Variants in HDLBP observed in about 807,000 individuals in gnomAD.
HDLBP encodes the protein vigilin.
In HDLBP, 30 loss-of-function variants were observed where a neutral mutation model predicts 137.3. The observed-to-expected ratio is 0.22, with a 90% CI of 0.16 to 0.30. The LOEUF (loss-of-function observed/expected upper bound fraction) is 0.30, where lower values mean the gene tolerates loss of function less well. HDLBP is among the 10% of genes least tolerant of loss of function. HDLBP has a pLI of 1.00. For missense variants in HDLBP, 1,119 were observed against 1,667.3 expected (o/e 0.67, Z 5.73); for synonymous variants, 606 against 596.0 (o/e 1.02, Z -0.24).
At chr2:241,275,066 G>A (rs982558879) in intron 1 of HDLBP, among the ~76,000 whole-genome samples, 2 of 152,192 alleles carry the variant, frequency 1.3e-5, no homozygotes, top group Non-Finnish European at 2.9e-5. Flanking sequence ...TGAGCTGGCA[G>A]ACAGAAGCAT....
At chr2:241,255,905 G>A (rs990355220) in intron 7 of HDLBP, among the ~76,000 whole-genome samples, 1 of 152,220 alleles carries the variant, frequency 6.6e-6, no homozygotes, top group African/African-American at 2.4e-5. Context: ...TCTAAGACGT[G>A]AACAAGTCCG....
chr2:241,256,903 T>G (rs1258272081), intron 5 of HDLBP, 97 bp from the exon 6 acceptor site: 1 of 1,012,682 alleles, frequency 9.9e-7, no homozygotes, highest in Non-Finnish European at 1.5e-6. Flanking sequence ...CATCTTTGCT[T>G]ATTCCTGCCC....
chr2:241,310,932 T>C (rs117931189), intron 1 of HDLBP, among the ~76,000 whole-genome samples: 4 of 152,090 alleles, frequency 2.6e-5, no homozygotes, highest in East Asian at 3.9e-4. Flanking sequence ...CTGGGCAACA[T>C]AGAGAGCTCA....
rs562904631 is a variant in HDLBP at position 241,264,631 on chromosome 2, G to A, written c.77-26C>T. On this transcript the variant is annotated intron_variant, in intron 3 of 27. Coordinates refer to ENST00000310931, the MANE Select transcript of HDLBP (RefSeq NM_005336.6). The stretch of plus-strand genomic sequence containing the variant: ...CTGGACCAGCCAACACAGATTAAAA[G>A]GAAGCACTACTTTTAGCATTACATG... 2.6e-5 allele frequency: 41 copies of A among 1,607,784 alleles called. No individual in the cohort carries two copies. The South Asian group carries it at 3.0e-4, about 12-fold the overall frequency.
Position 241,238,534 on chromosome 2 carries a change from TAGATGGTTTTCCAGCAG to T in HDLBP, c.2749+98_2749+114del, listed in dbSNP as rs1396548654. The T allele has an allele frequency of 8.3e-6, 7 of 839,074 alleles. No homozygotes were observed. The African/African-American group carries it at 8.6e-5, about 10-fold the overall frequency. 52.0% of individuals were successfully genotyped at this position (839,074 alleles called of 1,614,324 possible). ...AACCTCTGGAAGCCCCCAGAATACA[TAGATGGTTTTCCAGCAG>T]AGACAGGAAAGAGCCTCACCAGTAT... is the stretch of plus-strand genomic sequence containing the variant. On this transcript the variant is annotated intron_variant, in intron 20 of 27. Coordinates refer to ENST00000310931, the MANE Select transcript of HDLBP (RefSeq NM_005336.6). The surrounding 1 kb of genome is among the most constrained non-coding windows in gnomAD (Gnocchi z 4.9).
At chr2:241,291,393 C>T (rs1353290209) in intron 1 of HDLBP, among the ~76,000 whole-genome samples, 2 of 152,136 alleles carry the variant, frequency 1.3e-5, no homozygotes, top group African/African-American at 4.8e-5. Context: ...AAAGATGACA[C>T]AAGCCAACTT....
At chr2:241,266,759 A>C (rs772124847) in intron 3 of HDLBP, 35 bp downstream of exon 3, 1 of 1,293,530 alleles carries the variant, frequency 7.7e-7, no homozygotes, top group South Asian at 1.2e-5. Context: ...AATGCCTTAG[A>C]CATTACCAGG....
At chr2:241,254,990 A>G (rs1453797132) in intron 9 of HDLBP, 61 bp downstream of exon 9, 3 of 1,295,172 alleles carry the variant, frequency 2.3e-6, no homozygotes, top group Non-Finnish European at 1.1e-6. Flanking sequence ...AAGCAATATC[A>G]GAAACAGAAA....
chr2:241,270,920 C>A (rs1421326055), intron 1 of HDLBP: 10 of 940,454 alleles, frequency 1.1e-5, no homozygotes, highest in Non-Finnish European at 1.3e-5. Flanking sequence ...CAGTACTGTC[C>A]AAATCAGGAT....
chr2:241,232,503 T>G (rs942089017), intron 24 of HDLBP, among the ~76,000 whole-genome samples: 3 of 152,186 alleles, frequency 2.0e-5, no homozygotes, highest in African/African-American at 7.2e-5. Flanking sequence ...CTTGAACTCC[T>G]GACCTCAGGG....
At chr2:241,245,004 A>C (rs972413491) in intron 16 of HDLBP, among the ~76,000 whole-genome samples, 5 of 152,148 alleles carry the variant, frequency 3.3e-5, no homozygotes, top group African/African-American at 1.2e-4. Flanking sequence ...ACTCAGTTGA[A>C]TTAACCATTA....
At chr2:241,267,592 A>G in intron 2 of HDLBP, 1 of 1,535,732 alleles carries the variant, frequency 6.5e-7, no homozygotes, top group African/African-American at 1.4e-5. Context: ...TAATGCTTAC[A>G]AAATGCATCA....
intron 1 of HDLBP, among the ~76,000 whole-genome samples, chr2:241,270,120 G>GCACCCAGTGTCAGTCTCTTCTGAGAC (rs1317346850): frequency 2.0e-5 from 3 of 152,178 alleles, no homozygotes; most frequent in Non-Finnish European, 4.4e-5. Flanking sequence ...TCCCCACTGT[G>GCACCCAGTGTCAGTCTCTTCTGAGAC]CACCCAGTGT....
chr2:241,253,426 G>A lies in HDLBP; in HGVS notation c.1260C>T (p.Ala420=), dbSNP rs759186550. The stretch of plus-strand genomic sequence containing the variant: ...TGACCATGCCTTCTATCTGTTCCTG[G>A]GCCACATTGACATCCTCTGTAGGGC... The part of the protein sequence containing the change: ...LEGPTEDVNV[A]QEQIEGMVKD... The change falls in exon 10 of 28, where the codon GCC becomes GCT. Residue 420 remains alanine (A), a synonymous_variant. Coordinates refer to ENST00000310931, the MANE Select transcript of HDLBP (RefSeq NM_005336.6). The A allele has an allele frequency of 1.2e-6, 2 of 1,612,710 alleles. No homozygotes were observed. Among genetic ancestry groups the A allele is most frequent in the African/African-American group, 1.3e-5 (1 of 74,846 alleles).
chr2:241,312,858 C>A (rs1333035987), intron 1 of HDLBP, among the ~76,000 whole-genome samples: 1 of 152,186 alleles, frequency 6.6e-6, no homozygotes, highest in Non-Finnish European at 1.5e-5. Context: ...GGACCCGGCA[C>A]AATCATCTCA....
At chr2:241,244,106 T>C (rs1231935666) in intron 16 of HDLBP, among the ~76,000 whole-genome samples, 1 of 152,152 alleles carries the variant, frequency 6.6e-6, no homozygotes, top group East Asian at 1.9e-4. Flanking sequence ...ATGAAAATGA[T>C]ATTAGATGAA....
chr2:241,236,521 G>A, intron 21 of HDLBP, 94 bp downstream of exon 21: 1 of 1,294,772 alleles, frequency 7.7e-7, no homozygotes. Context: ...ACTGCCGCTT[G>A]GGCAACCGTC....
chr2:241,250,113 CTT>C, intron 11 of HDLBP, 133 bp from the exon 12 acceptor site: 1 of 860,746 alleles, frequency 1.2e-6, no homozygotes, highest in South Asian at 1.9e-5. Flanking sequence ...CGATGCTTAG[CTT>C]CCCAAACAAA....
chr2:241,258,697 A>C (rs2072918305), intron 5 of HDLBP, among the ~76,000 whole-genome samples: 2 of 152,152 alleles, frequency 1.3e-5, no homozygotes, highest in South Asian at 4.1e-4. Flanking sequence ...CCTGATAGTG[A>C]AAAAACTTTC....
Sources: allele counts gnomAD v4.1 joint callset (sites outside exome capture counted in the v4.1 genomes callset), GRCh38; gene constraint gnomAD v4.1.1; non-coding constraint Gnocchi (gnomAD v3.1); transcripts MANE v1.5; gene names NCBI Gene and HGNC (gene_info 2026-07-23, HGNC 2026-07-21).